The following OGFOD3 variants were observed in gnomAD, a reference collection of about 807,000 sequenced individuals.
OGFOD3 encodes 2-oxoglutarate and iron dependent oxygenase domain containing 3.
Under a neutral mutation model 39.8 loss-of-function variants are expected in OGFOD3, and 35 were observed. That is an observed-to-expected ratio of 0.88 (90% confidence interval 0.67 to 1.17). The LOEUF is 1.17. OGFOD3 is among the 50% of genes most tolerant of loss of function. OGFOD3 has a pLI of 0.00. For synonymous variants in OGFOD3, 200 were observed against 192.0 expected, an observed-to-expected ratio of 1.04 and a Z score of -0.34; for missense variants, 438 against 454.5, an observed-to-expected ratio of 0.96 and a Z score of 0.33.
At chr17:82,411,998 AGAGCAGAAAACCC>A (rs747175381) in intron 2 of OGFOD3, among the ~76,000 whole-genome samples, 52,192 of 151,412 alleles carry the variant, frequency 0.34, 11,103 homozygotes, top group East Asian at 0.89. Context: ...TGAGACCACC[AGAGCAGAAAACCC>A]TCCTGAGACC....
At position 82,390,101 on chromosome 17, in the gene OGFOD3, G is replaced by A. The variant is rs2052583181; in HGVS notation, c.*2297C>T. ...TATCTCTGTGATTATCATGAATAGT[G>A]TAAGTAGCCAAGAATGAAAATCAAA... On this transcript the variant is annotated 3_prime_UTR_variant, in exon 9 of 9. Transcript: ENST00000313056. The surrounding 1 kb of genome is among the most constrained non-coding windows in gnomAD (Gnocchi z 4.9). 6.6e-6 allele frequency: 1 copy of A among 152,160 alleles called. No homozygotes were observed. The highest frequency in any genetic ancestry group is 1.5e-5 in the Non-Finnish European group (1 of 68,016). The allele number at this position is 152,160 out of a possible 1,614,324, so 9.4% of individuals were successfully genotyped here. A position where few individuals can be genotyped will look rare whatever the true frequency, so the allele number is the denominator to read the frequency against.
chr17:82,401,720 C>T (rs562284450), intron 7 of OGFOD3, among the ~76,000 whole-genome samples: 1 of 144,898 alleles, frequency 6.9e-6, no homozygotes, highest in African/African-American at 2.6e-5. Flanking sequence ...AGGAGAATGG[C>T]TTGAACCTGG....
chr17:82,397,314 G>T (rs1207347384), intron 8 of OGFOD3, among the ~76,000 whole-genome samples: 2 of 149,680 alleles, frequency 1.3e-5, no homozygotes, highest in Non-Finnish European at 3.0e-5. Flanking sequence ...CTGGGGACGG[G>T]TGAGGCAGCA....
intron 3 of OGFOD3, among the ~76,000 whole-genome samples, chr17:82,409,750 C>T (rs907932614): frequency 3.3e-5 from 5 of 152,164 alleles, no homozygotes; most frequent in African/African-American, 9.7e-5. Context: ...CAAAAATTAG[C>T]CAGCTGTGAT....
chr17:82,397,320 C>T (rs534561850), intron 8 of OGFOD3, among the ~76,000 whole-genome samples: 16 of 145,048 alleles, frequency 1.1e-4, no homozygotes, highest in African/African-American at 3.9e-4. Context: ...ACGGGTGAGG[C>T]AGCAGGGGGT....
chr17:82,403,922 C>A lies in OGFOD3; in HGVS notation c.699+15G>T. 1 of 1,594,154 alleles carries A rather than the reference C, an allele frequency of 6.3e-7. No homozygotes were observed. Among genetic ancestry groups the A allele is most frequent in the East Asian group, 2.3e-5 (1 of 44,304 alleles). On this transcript the variant is annotated intron_variant, in intron 7 of 8. Coordinates refer to ENST00000313056, the MANE Select transcript of OGFOD3 (RefSeq NM_024648.3). Reference sequence around the variant, plus strand: ...TGTCCACGGGCACGCTCACCCTGCCCACGGGCGCGCTCACCTTGTCCACGT... The same window carrying A: ...TGTCCACGGGCACGCTCACCCTGCCAACGGGCGCGCTCACCTTGTCCACGT...
At chr17:82,399,189 G>A (rs1488108875) in intron 7 of OGFOD3, among the ~76,000 whole-genome samples, 1 of 152,146 alleles carries the variant, frequency 6.6e-6, no homozygotes, top group Non-Finnish European at 1.5e-5. Context: ...CATTAATGAG[G>A]CCATTTGTTC....
At position 82,394,555 on chromosome 17, in the gene OGFOD3, G is replaced by A. The variant is rs368338620; in HGVS notation, c.824-2021C>T. 4.4e-6 allele frequency: 7 copies of A among 1,599,234 alleles called. No individual in the cohort carries two copies. The African/African-American group carries it at 8.0e-5, about 18-fold the overall frequency. On this transcript the variant is annotated intron_variant, in intron 8 of 8. Coordinates refer to ENST00000313056, the MANE Select transcript of OGFOD3 (RefSeq NM_024648.3). ...GAAACAAAAACATCCTGGGGACACA[G>A]GACAGGGATTGTGTGGTAAAGGGTT...
intron 7 of OGFOD3, among the ~76,000 whole-genome samples, chr17:82,400,301 C>T (rs1159062143): frequency 6.6e-6 from 1 of 152,098 alleles, no homozygotes; most frequent in Admixed American, 6.5e-5. Flanking sequence ...CGGAGTCCCC[C>T]CTTAAAAGCT....
In OGFOD3 at chr17:82,406,821, C is replaced by T. The variant is rs1000976182; in HGVS notation, c.424-339G>A. On this transcript the variant is annotated intron_variant, in intron 4 of 8. Transcript: ENST00000313056. The surrounding 1 kb of genome is among the most constrained non-coding windows in gnomAD (Gnocchi z 5.2). ...CTCACTATATTACCTAGGCTGGTCT[C>T]GAACTCCGGGGCTCAAGTGATCCTC... 1.3e-5 allele frequency among the ~76,000 whole-genome samples: 2 copies of T among 152,088 alleles called. No individual in the cohort carries two copies. Among genetic ancestry groups the T allele is most frequent in the African/African-American group, 2.4e-5 (1 of 41,428 alleles).
intron 4 of OGFOD3, among the ~76,000 whole-genome samples, chr17:82,407,321 A>C (rs1158252540): frequency 6.6e-6 from 1 of 151,702 alleles, no homozygotes; most frequent in East Asian, 1.9e-4. Flanking sequence ...TGACCTAAAG[A>C]ATGGTGGCAC....
intron 6 of OGFOD3, 32 bp downstream of exon 6, chr17:82,405,292 T>C: frequency 4.2e-6 from 6 of 1,443,400 alleles, no homozygotes; most frequent in Non-Finnish European, 3.9e-6. Context: ...CCACCCCGCC[T>C]GCGAACCCCC....
Position 82,404,143 on chromosome 17 carries a change from G to A in OGFOD3, c.546-53C>T. ...CAGCCCCAGGCGGGAGGGGACGCTC[G>A]TGGGTCCCAACCCGTGGGTGGCAGG... On this transcript the variant is annotated intron_variant, in intron 6 of 8. Transcript: ENST00000313056. This position sits in a 1 kb window ranked among gnomAD's most constrained non-coding sequence, Gnocchi z 4.5. 3 of 1,507,312 alleles carry A rather than the reference G, an allele frequency of 2.0e-6. No individual in the cohort carries two copies. The South Asian group carries it at 3.9e-5, about 20-fold the overall frequency. 93.4% of individuals were successfully genotyped at this position (1,507,312 alleles called of 1,614,324 possible).
rs556639984 is a variant in OGFOD3, at chr17:82,413,284, C to T, written c.305-1754G>A. Among the ~76,000 whole-genome samples, 49 of 152,166 alleles carry T rather than the reference C, an allele frequency of 3.2e-4. 1 individual carries two copies. The highest frequency in any genetic ancestry group is 4.4e-4 in the Non-Finnish European group (30 of 68,030). On this transcript the variant is annotated intron_variant, in intron 2 of 8. Coordinates refer to ENST00000313056, the MANE Select transcript of OGFOD3 (RefSeq NM_024648.3). ...AGAGGGAAGAGAGGGTCCCCCGCGG[C>T]ACAGGAGCGACTCGGCAGGAAGGGG...
intron 7 of OGFOD3, among the ~76,000 whole-genome samples, chr17:82,399,794 G>A (rs576222367): frequency 1.3e-5 from 2 of 152,204 alleles, no homozygotes; most frequent in Non-Finnish European, 2.9e-5. Flanking sequence ...CTGGGGCCAC[G>A]CCCTGGGGGT....
chr17:82,405,227 C>G (rs2052836394), intron 6 of OGFOD3, 97 bp downstream of exon 6: 1 of 1,067,030 alleles, frequency 9.4e-7, no homozygotes, highest in South Asian at 1.3e-5. Context: ...GCCCCTGGGC[C>G]TCTCCGTGGG....
In OGFOD3 at chr17:82,409,346, G is replaced by A. The variant is rs764581519; in HGVS notation, c.423+22C>T. 5.0e-6 allele frequency: 8 copies of A among 1,611,992 alleles called. No individual in the cohort carries two copies. The African/African-American group carries it at 9.3e-5, about 19-fold the overall frequency. On this transcript the variant is annotated intron_variant, in intron 4 of 8. Coordinates refer to ENST00000313056, the MANE Select transcript of OGFOD3 (RefSeq NM_024648.3). ...AAAGTTAACGGGTAAAAAAAGGGGG[G>A]CAGGGACTACATTCAACTCACCCCT...
At chr17:82,394,569 T>G in intron 8 of OGFOD3, 1 of 1,582,468 alleles carries the variant, frequency 6.3e-7, no homozygotes, top group South Asian at 1.2e-5. Context: ...AGGGATTGTG[T>G]GGTAAAGGGT....
chr17:82,416,676 A>AT (rs200889655), intron 1 of OGFOD3, among the ~76,000 whole-genome samples: 4,668 of 114,732 alleles, frequency 0.041, 101 homozygotes, highest in Admixed American at 0.086. Context: ...TTTATTTATT[A>AT]TTTTTTTTTT....
Sources: gnomAD v4.1 joint callset for allele counts (sites outside exome capture counted in the v4.1 genomes callset) on GRCh38, gnomAD v4.1.1 for gene constraint, Gnocchi (gnomAD v3.1) non-coding constraint, MANE v1.5 for transcripts, NCBI Gene and HGNC (gene_info 2026-07-23, HGNC 2026-07-21) for gene names.